UBAP2: variants seen among roughly 807,000 people sequenced by gnomAD.
UBAP2 encodes the protein ubiquitin associated protein 2, also known as ubiquitin-associated protein 2.
In UBAP2, 75 loss-of-function variants were observed where a neutral mutation model predicts 139.6. The ratio of observed to expected loss-of-function variants is 0.54; its 90% confidence interval spans 0.45 to 0.65. UBAP2 has a LOEUF of 0.65. Ranked by LOEUF, UBAP2 falls within the 30% of genes least tolerant of loss-of-function variation. The pLI is 0.00. For synonymous variants in UBAP2, 526 were observed against 526.2 expected (o/e 1.00, Z 0.01); for missense variants, 1,368 against 1,369.6 (o/e 1.00, Z 0.02).
intron 23 of UBAP2, 60 bp from the exon 24 acceptor site, chr9:33,924,060 G>A (rs777377626): frequency 3.6e-4 from 575 of 1,602,692 alleles, no homozygotes; most frequent in Non-Finnish European, 4.6e-4. Context: ...AGGCCACACT[G>A]GCTTCTGCAA....
In UBAP2 at chr9:33,927,072, G is replaced by T; in HGVS notation, c.2380C>A (p.Pro794Thr). 6.2e-7 allele frequency: 1 copy of T among 1,612,084 alleles called. No homozygotes were observed. The highest frequency in any genetic ancestry group is 8.5e-7 in the Non-Finnish European group (1 of 1,179,048). Residue 794 changes from proline to threonine, a missense_variant, in exon 21 of 29, where the codon CCC becomes ACC. Coordinates refer to ENST00000379238, the MANE Select transcript of UBAP2 (RefSeq NM_001370062.2). Reference sequence around the variant, plus strand: ...GGCACCCCCTGAGGTAAGTTTGGGGGTGCTTTGCCTGTATAGAGGGAAAAA... The same window carrying T: ...GGCACCCCCTGAGGTAAGTTTGGGGTTGCTTTGCCTGTATAGAGGGAAAAA... ...AAPLVTSGKA[P>T]PNLPQGVPPL...
chr9:33,922,763 G>A lies in UBAP2; in HGVS notation c.3188C>T (p.Pro1063Leu), dbSNP rs774271971. The change falls in exon 28 of 29, where the codon CCA (proline) becomes CTA (leucine). Residue 1063 changes from proline to leucine, a missense_variant. Transcript: ENST00000379238. ...GTGGGCTGGCAAGATGTGTAGGAAT[G>A]GTGGGGGTGCATAGCCAGGGGCCGC... Reference protein sequence around the residue: ...SGAAPGYAPPPFLHILPAHQQ... With the variant: ...SGAAPGYAPPLFLHILPAHQQ... 12 of 1,560,160 alleles carry A rather than the reference G, an allele frequency of 7.7e-6. No individual in the cohort carries two copies. In the African/African-American group the frequency reaches 1.6e-4, roughly 21 times the overall value.
At chr9:33,946,760 A>C (rs1257378946) in intron 13 of UBAP2, among the ~76,000 whole-genome samples, 4 of 152,186 alleles carry the variant, frequency 2.6e-5, no homozygotes, top group African/African-American at 9.7e-5. Context: ...TTCATTTTTG[A>C]ACTTGGTATT....
At position 33,944,498 on chromosome 9, in the gene UBAP2, C is replaced by T. The variant is rs146894616; in HGVS notation, c.1412G>A (p.Gly471Glu). The T allele has an allele frequency of 5.3e-4, 858 of 1,613,942 alleles. 4 individuals carry two copies. Among genetic ancestry groups the T allele is most frequent in the Non-Finnish European group, 6.4e-4 (750 of 1,180,028 alleles). ...CTTGTTCACAGTGGAGGGACTGTCT[C>T]CAGGTGTTGATTCTCGAAGTTTTGC... The part of the protein sequence containing the change: ...SQAKLRESTP[G>E]DSPSTVNKLL... The change falls in exon 14 of 29, where the codon GGA (glycine) becomes GAA (glutamate). Residue 471 changes from glycine (G) to glutamate (E), a missense_variant. Gly to Glu is a moderately conservative substitution (Grantham distance 98). Transcript: ENST00000379238.
intron 2 of UBAP2, among the ~76,000 whole-genome samples, chr9:34,010,493 G>A (rs1361058216): frequency 6.7e-6 from 1 of 149,510 alleles, no homozygotes; most frequent in East Asian, 1.9e-4. Context: ...CATCCATTCT[G>A]AAGTGATTAA....
intron 1 of UBAP2, among the ~76,000 whole-genome samples, chr9:34,048,087 G>C (rs1471618445): frequency 6.6e-6 from 1 of 152,152 alleles, no homozygotes; most frequent in East Asian, 1.9e-4. Context: ...AAACTCAGGG[G>C]AAAATGTGGA....
chr9:34,035,046 C>A (rs1299122066), intron 1 of UBAP2, among the ~76,000 whole-genome samples: 2 of 152,094 alleles, frequency 1.3e-5, no homozygotes, highest in Non-Finnish European at 2.9e-5. Flanking sequence ...ACATTCACTG[C>A]CTCCATTTCC....
At chr9:34,011,052 G>A (rs543054495) in intron 2 of UBAP2, among the ~76,000 whole-genome samples, 15 of 152,146 alleles carry the variant, frequency 9.9e-5, no homozygotes, top group African/African-American at 3.1e-4. Flanking sequence ...CTTTGTAAAC[G>A]TGCACAATTT....
chr9:33,943,694 CAAG>C (rs1472562910), intron 14 of UBAP2, 105 bp from the exon 15 acceptor site: 13 of 1,011,592 alleles, frequency 1.3e-5, no homozygotes, highest in Admixed American at 7.3e-5. Flanking sequence ...GCAATACTGG[CAAG>C]AAGAAGGAGT....
Position 33,927,055 on chromosome 9 carries a change from CTGAGG to C in UBAP2, c.2392_2396del (p.Pro798GlyfsTer27). ...GGTTGTGCAGCAGGGGAGGCACCCC[CTGAGG>C]TAAGTTTGGGGGTGCTTTGCCTGTA... On this transcript the variant is annotated frameshift_variant, in exon 21 of 29. Transcript: ENST00000379238. LOFTEE classifies it high-confidence loss of function. 1 of 1,613,370 alleles carries C rather than the reference CTGAGG, an allele frequency of 6.2e-7. No homozygotes were observed. Among genetic ancestry groups the C allele is most frequent in the Non-Finnish European group, 8.5e-7 (1 of 1,179,628 alleles).
intron 7 of UBAP2, among the ~76,000 whole-genome samples, 174 bp from the exon 8 acceptor site, chr9:33,971,928 T>G (rs1173882850): frequency 1.3e-5 from 2 of 152,206 alleles, no homozygotes; most frequent in Non-Finnish European, 2.9e-5. Context: ...GCCATGGAGA[T>G]GCAGATGTGA....
At chr9:33,968,659 G>A in intron 8 of UBAP2, 2 of 268,502 alleles carry the variant, frequency 7.4e-6, no homozygotes, top group South Asian at 4.9e-5. Context: ...TTTGTTAAAT[G>A]GATAATACTA....
At position 33,923,435 on chromosome 9, in the gene UBAP2, G is replaced by T. The variant is rs750569058; in HGVS notation, c.2840C>A (p.Thr947Asn). ...GGCCTGCTGGAAGGGAGGTGTGGGA[G>T]TGCTGAGGTTCACCCCATGTTGCTT... ...SAKQHGVNLS[T>N]PTPPFQQASG... Residue 947 changes from threonine (T) to asparagine (N), a missense_variant, in exon 25 of 29, where the codon ACT becomes AAT. Thr to Asn is a moderately conservative substitution (Grantham distance 65, BLOSUM62 0). Transcript: ENST00000379238. 3.1e-6 allele frequency: 5 copies of T among 1,614,036 alleles called. No individual in the cohort carries two copies. The highest frequency in any genetic ancestry group is 3.4e-6 in the Non-Finnish European group (4 of 1,180,034).
chr9:33,985,009 T>C (rs1455588936), intron 6 of UBAP2, among the ~76,000 whole-genome samples: 3 of 152,218 alleles, frequency 2.0e-5, no homozygotes, highest in East Asian at 1.9e-4. Flanking sequence ...TCATACACTA[T>C]TGGTGGGAAT....
Position 33,932,440 on chromosome 9 carries a change from T to C in UBAP2, c.2175+122A>G, listed in dbSNP as rs1169331084. 3 of 1,147,146 alleles carry C rather than the reference T, an allele frequency of 2.6e-6. No homozygotes were observed. In the South Asian group the frequency reaches 4.5e-5, roughly 17 times the overall value. 71.1% of individuals were successfully genotyped at this position (1,147,146 alleles called of 1,614,324 possible). Reference sequence around the variant, plus strand: ...CGAACCAGATCATGCCATCAAGACATTTCAGCCAAGCAACTCTAGATTATC... The same window carrying C: ...CGAACCAGATCATGCCATCAAGACACTTCAGCCAAGCAACTCTAGATTATC... On this transcript the variant is annotated intron_variant, in intron 19 of 28. Coordinates refer to ENST00000379238, the MANE Select transcript of UBAP2 (RefSeq NM_001370062.2).
intron 1 of UBAP2, among the ~76,000 whole-genome samples, chr9:34,036,558 A>G (rs767528070): frequency 6.6e-6 from 1 of 152,146 alleles, no homozygotes. Flanking sequence ...TCCTATACAC[A>G]CATTTAAACT....
chr9:33,941,674 G>A lies in UBAP2; in HGVS notation c.1904C>T (p.Ser635Leu). 1 of 1,614,146 alleles carries A rather than the reference G, an allele frequency of 6.2e-7. No homozygotes were observed. Among genetic ancestry groups the A allele is most frequent in the East Asian group, 2.2e-5 (1 of 44,870 alleles). ...RIPYQSPVSS[S>L]ESAPGTIMNG... ...CATGATGGTTCCTGGAGCTGACTCT[G>A]ATGAACTCACAGGGCTTTGGTATGG... The change falls in exon 16 of 29, where the codon TCA becomes TTA. Residue 635 changes from serine to leucine, a missense_variant. Coordinates refer to ENST00000379238, the MANE Select transcript of UBAP2 (RefSeq NM_001370062.2).
intron 10 of UBAP2, among the ~76,000 whole-genome samples, chr9:33,959,965 T>A (rs539790938): frequency 2.0e-5 from 3 of 152,168 alleles, no homozygotes; most frequent in Non-Finnish European, 4.4e-5. Flanking sequence ...TAAGATGGAT[T>A]CTTGCTCTGT....
At chr9:33,929,404 T>C (rs1823764896) in intron 19 of UBAP2, among the ~76,000 whole-genome samples, 1 of 152,126 alleles carries the variant, frequency 6.6e-6, no homozygotes, top group Non-Finnish European at 1.5e-5. Context: ...ACCTGCTGAA[T>C]TAAAAAGTCA....
Sources: gnomAD v4.1 joint callset for allele counts (sites outside exome capture counted in the v4.1 genomes callset) on GRCh38, gnomAD v4.1.1 for gene constraint, MANE v1.5 for transcripts, NCBI Gene and HGNC (gene_info 2026-07-23, HGNC 2026-07-21) for gene names.